Variants in AFF1 observed in about 807,000 individuals in gnomAD.
The protein encoded by AFF1 is AF4/FMR2 family member 1.
A neutral mutation model predicts 121.7 loss-of-function variants in AFF1; 48 were observed. The observed-to-expected ratio is 0.39, with a 90% CI of 0.31 to 0.50. AFF1 has a LOEUF of 0.50. Among genes scored for constraint, AFF1 ranks in the 20% least tolerant of loss-of-function variants. The pLI, the probability that AFF1 is intolerant of heterozygous loss-of-function variation, is 0.76. For synonymous variants in AFF1, 613 were observed against 563.0 expected, an observed-to-expected ratio of 1.09 and a Z score of -1.26; for missense variants, 1,523 against 1,511.7, an observed-to-expected ratio of 1.01 and a Z score of -0.12.
At chr4:87,041,559 T>C (rs916263652) in intron 2 of AFF1, among the ~76,000 whole-genome samples, 1 of 152,006 alleles carries the variant, frequency 6.6e-6, no homozygotes, top group Non-Finnish European at 1.5e-5. Flanking sequence ...CAAAGTACCA[T>C]CTAAAATCAG....
At chr4:87,135,000 A>C (rs1486066798) in intron 20 of AFF1, among the ~76,000 whole-genome samples, 2 of 152,252 alleles carry the variant, frequency 1.3e-5, no homozygotes, top group Non-Finnish European at 2.9e-5. Context: ...GCTGAAAGGC[A>C]GGGCAAATGA....
At chr4:86,988,675 G>A (rs1237707999) in intron 2 of AFF1, among the ~76,000 whole-genome samples, 1 of 152,072 alleles carries the variant, frequency 6.6e-6, no homozygotes, top group Non-Finnish European at 1.5e-5. Flanking sequence ...TTTCTTCACA[G>A]AATTAGAAAA....
At chr4:86,980,235 A>C (rs1242557036) in intron 2 of AFF1, among the ~76,000 whole-genome samples, 1 of 152,174 alleles carries the variant, frequency 6.6e-6, no homozygotes, top group Non-Finnish European at 1.5e-5. Flanking sequence ...TCTAAGATAC[A>C]CTGGCAAAAT....
chr4:87,006,176 TAGGTAGAAGAACGG>T (rs1232119597), intron 2 of AFF1, among the ~76,000 whole-genome samples: 1 of 152,194 alleles, frequency 6.6e-6, no homozygotes, highest in Non-Finnish European at 1.5e-5. Flanking sequence ...GTCATGATTC[TAGGTAGAAGAACGG>T]AGAGTCCACA....
rs887969463 is a variant in AFF1, at chr4:87,067,151, G to A, written c.1060-16969G>A. Among the ~76,000 whole-genome samples the A allele has an allele frequency of 6.6e-5, 10 of 152,302 alleles. No individual in the cohort carries two copies. The South Asian group carries it at 8.3e-4, about 13-fold the overall frequency. On this transcript the variant is annotated intron_variant, in intron 4 of 20. Transcript: ENST00000395146. ...TGACAGAAGTGGGAAACCTTAGTAG[G>A]ATGGAAGAAAAGAAAGAAAGACTGA...
chr4:87,119,659 CTTCA>C (rs765524355), intron 12 of AFF1, among the ~76,000 whole-genome samples: 16 of 152,362 alleles, frequency 1.1e-4, no homozygotes, highest in South Asian at 4.1e-4. Flanking sequence ...TAATTCCTCA[CTTCA>C]TTCAGTCATC....
chr4:86,982,492 T>C (rs1723838090), intron 2 of AFF1, among the ~76,000 whole-genome samples: 1 of 144,052 alleles, frequency 6.9e-6, no homozygotes, highest in Non-Finnish European at 1.5e-5. Flanking sequence ...AGTGACAGTA[T>C]TCAGAGGTGG....
chr4:86,970,960 TGTC>T (rs1331569443), intron 2 of AFF1, among the ~76,000 whole-genome samples: 4 of 152,156 alleles, frequency 2.6e-5, no homozygotes, highest in African/African-American at 7.2e-5. Flanking sequence ...TGGAGGGCCT[TGTC>T]GGCCGTTGGA....
At chr4:87,025,488 C>A (rs746024792) in intron 2 of AFF1, among the ~76,000 whole-genome samples, 11 of 152,168 alleles carry the variant, frequency 7.2e-5, no homozygotes, top group Admixed American at 3.3e-4. Context: ...TTCCGTCCTG[C>A]ATTATTGTGG....
chr4:87,041,117 T>C (rs1463481760), intron 2 of AFF1, among the ~76,000 whole-genome samples: 1 of 152,020 alleles, frequency 6.6e-6, no homozygotes, highest in Non-Finnish European at 1.5e-5. Context: ...CCTCAAGTGA[T>C]CCGCCCACCT....
chr4:87,126,380 T>A, intron 14 of AFF1, 44 bp downstream of exon 14: 6 of 1,566,500 alleles, frequency 3.8e-6, no homozygotes, highest in Non-Finnish European at 5.3e-6. Flanking sequence ...GATGCATTGC[T>A]GTACCTTTAC....
At chr4:87,058,995 G>T (rs1720447559) in intron 4 of AFF1, among the ~76,000 whole-genome samples, 1 of 152,154 alleles carries the variant, frequency 6.6e-6, no homozygotes, top group South Asian at 2.1e-4. Context: ...CTCCCCTGTT[G>T]TCTGGGTTTT....
At chr4:87,084,039 T>C in intron 4 of AFF1, 81 bp from the exon 5 acceptor site, 1 of 1,284,138 alleles carries the variant, frequency 7.8e-7, no homozygotes, top group Admixed American at 1.7e-5. Flanking sequence ...TGAGTATTGC[T>C]GCATTAATAC....
intron 11 of AFF1, among the ~76,000 whole-genome samples, chr4:87,113,232 A>G (rs1726736333): frequency 6.6e-6 from 1 of 152,176 alleles, no homozygotes; most frequent in Non-Finnish European, 1.5e-5. Context: ...TTTGTATCTT[A>G]GAAACATAGG....
intron 13 of AFF1, 28 bp downstream of exon 13, chr4:87,125,171 A>G (rs1036046573): frequency 6.5e-7 from 1 of 1,540,698 alleles, no homozygotes; most frequent in African/African-American, 1.4e-5. Context: ...CAACCACCTA[A>G]TCTACGGTGA....
At chr4:86,962,693 T>C (rs1722238648) in intron 2 of AFF1, among the ~76,000 whole-genome samples, 2 of 152,208 alleles carry the variant, frequency 1.3e-5, no homozygotes, top group South Asian at 4.1e-4. Context: ...CACGTGTTCC[T>C]GCCAACTGTG....
intron 4 of AFF1, among the ~76,000 whole-genome samples, chr4:87,071,958 G>A (rs1392637783): frequency 6.6e-6 from 1 of 152,092 alleles, no homozygotes; most frequent in African/African-American, 2.4e-5. Context: ...AAAGGCCAAC[G>A]GGAATCTTTT....
At chr4:87,089,674 A>G (rs1402706976) in intron 5 of AFF1, among the ~76,000 whole-genome samples, 2 of 152,240 alleles carry the variant, frequency 1.3e-5, no homozygotes, top group African/African-American at 2.4e-5. Context: ...ACAGCTCCAC[A>G]AGCTCTGGCA....
intron 4 of AFF1, among the ~76,000 whole-genome samples, chr4:87,062,439 C>T (rs1560587680): frequency 6.6e-6 from 1 of 152,168 alleles, no homozygotes; most frequent in Non-Finnish European, 1.5e-5. Flanking sequence ...TTAATATTAT[C>T]ACCTTGGGAT....
Sources: gnomAD v4.1 joint callset for allele counts (sites outside exome capture counted in the v4.1 genomes callset) on GRCh38, gnomAD v4.1.1 for gene constraint, MANE v1.5 for transcripts, NCBI Gene and HGNC (gene_info 2026-07-23, HGNC 2026-07-21) for gene names.